The following EDA variants were observed in gnomAD, a reference collection of about 807,000 sequenced individuals.
EDA encodes the protein ectodysplasin-A.
EDA carries 2 observed loss-of-function variants against 23.6 expected under a neutral mutation model. The observed-to-expected ratio is 0.08, with a 90% CI of 0.03 to 0.27. EDA has a LOEUF of 0.27. Ranked by LOEUF, EDA falls within the 10% of genes least tolerant of loss-of-function variation. EDA has a pLI of 1.00. For synonymous variants in EDA, 131 were observed against 132.0 expected (o/e 0.99, Z 0.05); for missense variants, 229 against 324.2 (o/e 0.71, Z 2.26).
At chrX:69,910,333 A>G (rs1311290422) in intron 1 of EDA, among the ~76,000 whole-genome samples, 1 of 102,201 alleles carries the variant, frequency 9.8e-6, no homozygotes, top group African/African-American at 3.6e-5. Flanking sequence ...TGGGTTATCT[A>G]TAATATGCTA....
intron 1 of EDA, among the ~76,000 whole-genome samples, chrX:69,661,610 T>C (rs1040698359): frequency 9.0e-6 from 1 of 111,498 alleles, no homozygotes; most frequent in Non-Finnish European, 1.9e-5. Flanking sequence ...GGGAATCCTT[T>C]ACCCATTTCT....
At chrX:69,715,747 ATTTT>A (rs2012301062) in intron 1 of EDA, among the ~76,000 whole-genome samples, 1 of 111,498 alleles carries the variant, frequency 9.0e-6, no homozygotes, top group Non-Finnish European at 1.9e-5. Context: ...AGCATCTGTT[ATTTT>A]TGACTTTCTA....
At chrX:69,786,790 G>T (rs1291159610) in intron 1 of EDA, among the ~76,000 whole-genome samples, 1 of 111,406 alleles carries the variant, frequency 9.0e-6, no homozygotes, top group Non-Finnish European at 1.9e-5. Flanking sequence ...GGAGAGTTCT[G>T]TAGATGTCTA....
chrX:69,658,791 G>A (rs2041049210), intron 1 of EDA, among the ~76,000 whole-genome samples: 1 of 111,685 alleles, frequency 9.0e-6, no homozygotes, highest in South Asian at 3.7e-4. Flanking sequence ...GTTGATTCTA[G>A]TATCTAGTTT....
chrX:69,710,832 A>G (rs1163501109), intron 1 of EDA, among the ~76,000 whole-genome samples: 1 of 100,835 alleles, frequency 9.9e-6, no homozygotes, highest in Admixed American at 9.9e-5. Context: ...TGATTTTTGC[A>G]CATTGATTTT....
At chrX:70,030,642 C>A in intron 6 of EDA, 122 bp downstream of exon 6, 2 of 652,983 alleles carry the variant, frequency 3.1e-6, no homozygotes, top group South Asian at 4.8e-5. Context: ...CATACGAAGT[C>A]ATTCTTTGCT....
Position 69,781,664 on chromosome X carries a change from A to G in EDA, c.396+164960A>G, listed in dbSNP as rs113682471. Among the ~76,000 whole-genome samples, 462 of 111,368 alleles carry G rather than the reference A, an allele frequency of 4.1e-3. 1 individual carries two copies. The highest frequency in any genetic ancestry group is 0.014 in the African/African-American group (436 of 30,797). ...TGCTAATTACAGGAATTAGTCTAGT[A>G]TATTCTTTCGTATGACTTTCCGAAG... is the stretch of plus-strand genomic sequence containing the variant. On this transcript the variant is annotated intron_variant, in intron 1 of 7. Coordinates refer to ENST00000374552, the MANE Select transcript of EDA (RefSeq NM_001399.5).
In EDA at chrX:69,616,168, C is replaced by T; in HGVS notation, c.-141C>T. ...CATGCGGCTGCTCCCTGCTCCGTCC[C>T]GCCCAGCCACTGTCGCGCAGGAACG... On this transcript the variant is annotated 5_prime_UTR_variant, in exon 1 of 8. Transcript: ENST00000374552. 2 of 707,524 alleles carry T rather than the reference C, an allele frequency of 2.8e-6. No individual in the cohort carries two copies. The highest frequency in any genetic ancestry group is 4.1e-6 in the Non-Finnish European group (2 of 484,252). The allele number at this position is 707,524 out of a possible 1,213,427, so 58.3% of individuals were successfully genotyped here. A position where few individuals can be genotyped will look rare whatever the true frequency, so the allele number is the denominator to read the frequency against.
chrX:69,712,297 T>C (rs2012090729), intron 1 of EDA, among the ~76,000 whole-genome samples: 1 of 111,955 alleles, frequency 8.9e-6, no homozygotes, highest in Non-Finnish European at 1.9e-5. Flanking sequence ...GTAATGTGTC[T>C]TTAATTTTGG....
chrX:69,966,974 G>GTATA (rs944298975), intron 2 of EDA, among the ~76,000 whole-genome samples: 1 of 106,394 alleles, frequency 9.4e-6, no homozygotes, highest in African/African-American at 3.4e-5. Context: ...GTGTGTGTGT[G>GTATA]TATATATATA....
chrX:69,909,274 T>A (rs1319850328), intron 1 of EDA, among the ~76,000 whole-genome samples: 1 of 111,911 alleles, frequency 8.9e-6, no homozygotes, highest in Non-Finnish European at 1.9e-5. Context: ...TTATTTGGGT[T>A]TTTTTGTTTG....
In EDA at chrX:70,038,160, G is replaced by A. The variant is rs2020289808; in HGVS notation, c.*2551G>A. The A allele has an allele frequency of 9.0e-6, 1 of 110,968 alleles. No individual in the cohort carries two copies. Among genetic ancestry groups the A allele is most frequent in the South Asian group, 3.9e-4 (1 of 2,576 alleles). The allele number at this position is 110,968 out of a possible 1,213,427, so 9.1% of individuals were successfully genotyped here. On this transcript the variant is annotated 3_prime_UTR_variant, in exon 8 of 8. Transcript: ENST00000374552. ...GAGGCCAGAAAGGTGTGAGGAGAGA[G>A]GAGGAAAAGTCTTCCTAATTGTGCC...
At chrX:69,836,168 C>A (rs1205067071) in intron 1 of EDA, among the ~76,000 whole-genome samples, 1 of 112,473 alleles carries the variant, frequency 8.9e-6, no homozygotes, top group African/African-American at 3.2e-5. Context: ...GGAGATGTCT[C>A]CCAGTTAGGC....
intron 1 of EDA, among the ~76,000 whole-genome samples, chrX:69,693,440 C>A (rs1278191526): frequency 9.0e-6 from 1 of 111,478 alleles, no homozygotes; most frequent in Non-Finnish European, 1.9e-5. Context: ...TATATACTAT[C>A]GTTACTATAA....
chrX:69,828,054 C>T (rs924673792), intron 1 of EDA, among the ~76,000 whole-genome samples: 22 of 110,568 alleles, frequency 2.0e-4, no homozygotes, highest in Non-Finnish European at 3.0e-4. Flanking sequence ...GCAGTCTGCC[C>T]GTTCTCAGAT....
chrX:69,833,640 C>G (rs12396727), intron 1 of EDA, among the ~76,000 whole-genome samples: 25,797 of 109,850 alleles, frequency 0.23, 2,339 homozygotes, highest in African/African-American at 0.31. Flanking sequence ...CTTTGTACCT[C>G]TGGTAGAATT....
chrX:69,746,881 A>T (rs1358827755), intron 1 of EDA, among the ~76,000 whole-genome samples: 1 of 111,493 alleles, frequency 9.0e-6, no homozygotes, highest in Non-Finnish European at 1.9e-5. Flanking sequence ...ATGGAAAGGG[A>T]TTTAATGCCC....
intron 1 of EDA, among the ~76,000 whole-genome samples, chrX:69,724,899 G>A (rs914400869): frequency 1.8e-5 from 2 of 112,071 alleles, no homozygotes; most frequent in African/African-American, 6.5e-5. Flanking sequence ...TGAGCTTATA[G>A]GCTTAGGAAA....
rs1407400045 is a variant in EDA at position 69,888,997 on chromosome X, T to G, written c.397-68030T>G. Among the ~76,000 whole-genome samples, 8 of 64,853 alleles carry G rather than the reference T, an allele frequency of 1.2e-4. 1 individual carries two copies. The highest frequency in any genetic ancestry group is 6.4e-4 in the East Asian group (1 of 1,552). 56.3% of individuals were successfully genotyped at this position (64,853 alleles called of 115,157 possible). ...GGGTAGTTATATATATATATATATA[T>G]ATATATATATATATATATATATATT... is the stretch of plus-strand genomic sequence containing the variant. On this transcript the variant is annotated intron_variant, in intron 1 of 7. Transcript: ENST00000374552.
Sources: allele counts gnomAD v4.1 joint callset (sites outside exome capture counted in the v4.1 genomes callset), GRCh38; gene constraint gnomAD v4.1.1; transcripts MANE v1.5; gene names NCBI Gene and HGNC (gene_info 2026-07-23, HGNC 2026-07-21).